CCDC57: variants seen among roughly 807,000 people sequenced by gnomAD.
The protein encoded by CCDC57 is coiled-coil domain-containing protein 57.
Under a neutral mutation model 118.9 loss-of-function variants are expected in CCDC57, and 118 were observed. The ratio of observed to expected loss-of-function variants is 0.99; its 90% CI spans 0.86 to 1.16. The LOEUF (loss-of-function observed/expected upper bound fraction) is 1.16. Ranked by LOEUF, CCDC57 falls within the 50% of genes most tolerant of loss-of-function variation. CCDC57 has a pLI of 0.00. For missense variants in CCDC57, 1,300 were observed against 1,320.7 expected (o/e 0.98, Z 0.24); for synonymous variants, 527 against 532.9 (o/e 0.99, Z 0.15).
rs34212153 is a variant in CCDC57 at position 82,120,174 on chromosome 17, AT to A, written c.2899+7517del. On this transcript the variant is annotated intron_variant, in intron 19 of 19. Transcript: ENST00000665763. ...GTATCATTTCATTATTATTATTATT[AT>A]TTTTTTTTTGCAGAGATGTTGCCCA... 4.7e-5 allele frequency among the ~76,000 whole-genome samples: 7 copies of A among 149,030 alleles called. No homozygotes were observed. The South Asian group carries it at 1.1e-3, about 23-fold the overall frequency.
intron 19 of CCDC57, among the ~76,000 whole-genome samples, chr17:82,125,458 C>A (rs1413203121): frequency 1.3e-5 from 2 of 152,044 alleles, no homozygotes; most frequent in African/African-American, 2.4e-5. Flanking sequence ...TCCCTACAAC[C>A]TCCACCTCCC....
chr17:82,205,944 C>T (rs2049575273), intron 2 of CCDC57, among the ~76,000 whole-genome samples: 1 of 152,266 alleles, frequency 6.6e-6, no homozygotes, highest in South Asian at 2.1e-4. Flanking sequence ...AATCCCATCT[C>T]GGGATGATCC....
chr17:82,163,052 G>T, intron 14 of CCDC57, 148 bp downstream of exon 13: 1 of 971,294 alleles, frequency 1.0e-6, no homozygotes, highest in Non-Finnish European at 1.6e-6. Context: ...CCTCCCCACA[G>T]CCCCTTCCTC....
At chr17:82,130,821 T>G (rs1424630261) in intron 17 of CCDC57, among the ~76,000 whole-genome samples, 15 of 131,542 alleles carry the variant, frequency 1.1e-4, no homozygotes, top group South Asian at 1.1e-3. Context: ...TTTGGGGGGG[T>G]GGGGGTGGGG....
At chr17:82,117,227 C>A (rs141902913) in intron 19 of CCDC57, among the ~76,000 whole-genome samples, 1 of 151,778 alleles carries the variant, frequency 6.6e-6, no homozygotes, top group Non-Finnish European at 1.5e-5. Context: ...GTGGCGCACG[C>A]CATAACCCCA....
At chr17:82,101,769 C>T (rs2034467015) in exon 20 of CCDC57, 1 of 1,609,606 alleles carries the variant, frequency 6.2e-7, no homozygotes, top group Non-Finnish European at 8.5e-7. Flanking sequence ...CTCCTGTGGT[C>T]TTGGCCTTTG....
intron 16 of CCDC57, chr17:82,145,743 C>A: frequency 2.4e-6 from 1 of 421,376 alleles, no homozygotes; most frequent in South Asian, 1.7e-5. Context: ...CCTGCTTCCC[C>A]CTGCAGGCCC....
chr17:82,117,047 C>T (rs936178293), intron 19 of CCDC57, among the ~76,000 whole-genome samples: 4 of 152,184 alleles, frequency 2.6e-5, no homozygotes, highest in African/African-American at 9.7e-5. Flanking sequence ...AATGACCAAC[C>T]TCATCATTTA....
intron 11 of CCDC57, among the ~76,000 whole-genome samples, chr17:82,176,363 G>T (rs777235565): frequency 7.2e-5 from 11 of 152,134 alleles, no homozygotes; most frequent in Non-Finnish European, 1.0e-4. Context: ...CTTGCTCCTT[G>T]CTCTCCCAAG....
chr17:82,157,403 C>T (rs1002946710), intron 15 of CCDC57: 12 of 1,225,672 alleles, frequency 9.8e-6, no homozygotes, highest in South Asian at 8.8e-5. Flanking sequence ...CTCAGCAGGC[C>T]GTCAAGGCCC....
chr17:82,178,518 C>T lies in CCDC57; in HGVS notation c.1462G>A (p.Val488Met), dbSNP rs780194619. The T allele has an allele frequency of 8.1e-6, 13 of 1,613,652 alleles. No homozygotes were observed. The highest frequency in any genetic ancestry group is 4.5e-5 in the East Asian group (2 of 44,886). The change falls in exon 11 of 20, where the codon GTG (valine) becomes ATG (methionine). Residue 488 changes from valine (V) to methionine (M), a missense_variant. Val to Met is a conservative substitution (Grantham distance 21). Coordinates refer to ENST00000665763, the Ensembl canonical transcript of CCDC57. The stretch of plus-strand genomic sequence containing the variant: ...AGCCCATGCATCCTCAGGGCCTGCA[C>T]GGCCTGGTCTCGTTCCAGGGTCACG...
chr17:82,151,220 C>T, intron 16 of CCDC57, among the ~76,000 whole-genome samples: 1 of 140,276 alleles, frequency 7.1e-6, no homozygotes, highest in Non-Finnish European at 1.6e-5. Flanking sequence ...ACCTGACCCA[C>T]ACCCAGAACC....
chr17:82,171,446 G>C (rs1178841597), intron 13 of CCDC57, among the ~76,000 whole-genome samples: 1 of 149,506 alleles, frequency 6.7e-6, no homozygotes, highest in Non-Finnish European at 1.5e-5. Flanking sequence ...GCTGACTGCA[G>C]TGAGGAGCCA....
At chr17:82,184,090 G>A (rs1325015812) in intron 8 of CCDC57, among the ~76,000 whole-genome samples, 158 bp from the exon 8 acceptor site, 5 of 112,130 alleles carry the variant, frequency 4.5e-5, no homozygotes, top group Non-Finnish European at 9.7e-5. Context: ...CACAGCTCTC[G>A]AGCTGAAACT....
Position 82,163,240 on chromosome 17 carries a change from ACT to A in CCDC57, c.1998_1999del (p.Arg666SerfsTer28). 6.2e-7 allele frequency: 1 copy of A among 1,613,962 alleles called. No homozygotes were observed. The highest frequency in any genetic ancestry group is 8.5e-7 in the Non-Finnish European group (1 of 1,179,898). On this transcript the variant is annotated frameshift_variant, in exon 14 of 20. Transcript: ENST00000665763. LOFTEE classifies it high-confidence loss of function. ...TGTCACCAGCAGGTTTAGGAGCTGCACTCTGTCCCCGAGCTTCCTGAGTGCCA... is the reference window on the plus strand; with the variant it reads ...TGTCACCAGCAGGTTTAGGAGCTGCACTGTCCCCGAGCTTCCTGAGTGCCA...
intron 16 of CCDC57, among the ~76,000 whole-genome samples, chr17:82,142,751 G>A (rs1568237196): frequency 2.0e-5 from 3 of 152,096 alleles, no homozygotes; most frequent in South Asian, 2.1e-4. Flanking sequence ...ATATCAATAC[G>A]TATATTTAAT....
intron 19 of CCDC57, chr17:82,126,812 G>A: frequency 1.0e-6 from 1 of 985,438 alleles, no homozygotes; most frequent in Non-Finnish European, 1.2e-6. Flanking sequence ...GTAAAGGACT[G>A]GAAATAGCCT....
intron 3 of CCDC57, among the ~76,000 whole-genome samples, chr17:82,199,651 C>A (rs572521873): frequency 2.6e-5 from 4 of 152,296 alleles, no homozygotes; most frequent in African/African-American, 9.6e-5. Context: ...AAAGTCAGCA[C>A]CCGCACGGCG....
At chr17:82,179,540 GCAGACCAGGGTGGACC>G (rs1409442440) in intron 9 of CCDC57, among the ~76,000 whole-genome samples, 5 of 151,674 alleles carry the variant, frequency 3.3e-5, no homozygotes, top group Non-Finnish European at 5.9e-5. Context: ...AAGCAAACAA[GCAGACCAGGGTGGACC>G]CAGCCACGGG....
Sources: allele counts gnomAD v4.1 joint callset (sites outside exome capture counted in the v4.1 genomes callset), GRCh38; gene constraint gnomAD v4.1.1; transcripts MANE v1.5; gene names NCBI Gene and HGNC (gene_info 2026-07-23, HGNC 2026-07-21).